Variants in RALGPS1 observed in about 807,000 individuals in gnomAD.
RALGPS1 encodes Ral GEF with PH domain and SH3 binding motif 1, also known as ras-specific guanine nucleotide-releasing factor RalGPS1.
RALGPS1 carries 19 observed loss-of-function variants against 78.8 expected under a neutral mutation model. The observed-to-expected ratio is 0.24, with a 90% CI of 0.17 to 0.35. The LOEUF is 0.35. Ranked by LOEUF, RALGPS1 falls within the 10% of genes least tolerant of loss-of-function variation. The pLI is 1.00. For missense variants in RALGPS1, 454 were observed against 688.3 expected, an observed-to-expected ratio of 0.66 and a Z score of 3.81; for synonymous variants, 228 against 256.3, an observed-to-expected ratio of 0.89 and a Z score of 1.06.
At chr9:127,092,495 G>C (rs1490393450) in intron 8 of RALGPS1, among the ~76,000 whole-genome samples, 1 of 152,036 alleles carries the variant, frequency 6.6e-6, no homozygotes, top group Non-Finnish European at 1.5e-5. Flanking sequence ...GCTGAGTTAC[G>C]GCCACTAAAG....
At chr9:126,955,532 A>G (rs533519023) in intron 1 of RALGPS1, among the ~76,000 whole-genome samples, 1 of 152,322 alleles carries the variant, frequency 6.6e-6, no homozygotes, top group South Asian at 2.1e-4. Flanking sequence ...ACTCCCCAAT[A>G]GTTCTTGTTA....
intron 4 of RALGPS1, among the ~76,000 whole-genome samples, chr9:126,987,148 T>C (rs1016284568): frequency 3.3e-5 from 5 of 152,126 alleles, no homozygotes; most frequent in Admixed American, 1.3e-4. Context: ...GCATGGTACC[T>C]GGGATCCTTC....
intron 4 of RALGPS1, among the ~76,000 whole-genome samples, chr9:127,015,558 A>C (rs949256720): frequency 8.6e-5 from 13 of 151,954 alleles, no homozygotes; most frequent in Non-Finnish European, 1.6e-4. Flanking sequence ...TGGTTATCTC[A>C]GTGTGTTCCC....
Position 127,091,068 on chromosome 9 carries a change from T to A in RALGPS1, c.610+21712T>A, listed in dbSNP as rs879933291. ...CTCTCAGCACTGCACTAGCATTACA[T>A]GCAGTAACAGTGACCATGAAGAAAG... On this transcript the variant is annotated intron_variant, in intron 8 of 18. Transcript: ENST00000259351. This position sits in a 1 kb window ranked among gnomAD's most constrained non-coding sequence, Gnocchi z 4.3. Among the ~76,000 whole-genome samples, 2 of 152,266 alleles carry A rather than the reference T, an allele frequency of 1.3e-5. No homozygotes were observed. The highest frequency in any genetic ancestry group is 2.9e-5 in the Non-Finnish European group (2 of 68,052).
intron 1 of RALGPS1, among the ~76,000 whole-genome samples, chr9:126,916,716 G>A (rs554542667): frequency 6.6e-6 from 1 of 152,278 alleles, no homozygotes; most frequent in East Asian, 1.9e-4. Flanking sequence ...GGGAGGCGGA[G>A]GTTGCAGTGA....
intron 3 of RALGPS1, among the ~76,000 whole-genome samples, chr9:126,974,166 G>T (rs1472823555): frequency 6.6e-6 from 1 of 152,180 alleles, no homozygotes; most frequent in Non-Finnish European, 1.5e-5. Context: ...GAACCACTGT[G>T]CCCAGCCTAG....
intron 4 of RALGPS1, among the ~76,000 whole-genome samples, chr9:126,995,254 A>G (rs2042630561): frequency 6.6e-6 from 1 of 152,186 alleles, no homozygotes; most frequent in African/African-American, 2.4e-5. Flanking sequence ...TAAAGAGTCA[A>G]GACCCATCAG....
chr9:127,198,196 C>T (rs1261599803), intron 13 of RALGPS1, among the ~76,000 whole-genome samples: 2 of 152,162 alleles, frequency 1.3e-5, no homozygotes, highest in Non-Finnish European at 2.9e-5. Flanking sequence ...TGTGCATGTG[C>T]CCTGTTGGGA....
chr9:126,963,039 T>C (rs1046144577), intron 2 of RALGPS1, among the ~76,000 whole-genome samples: 4 of 152,246 alleles, frequency 2.6e-5, no homozygotes, highest in African/African-American at 9.6e-5. Context: ...CTTATAAACC[T>C]TTCAAGAAAA....
At chr9:127,010,215 C>G (rs1041058057) in intron 4 of RALGPS1, among the ~76,000 whole-genome samples, 2 of 152,058 alleles carry the variant, frequency 1.3e-5, no homozygotes, top group Admixed American at 6.5e-5. Context: ...AGCCTGGACA[C>G]CTGGCCAGGC....
intron 1 of RALGPS1, among the ~76,000 whole-genome samples, chr9:126,958,142 A>AAAAAAAAATATATATATATATATAT: frequency 1.3e-5 from 1 of 77,102 alleles, no homozygotes; most frequent in East Asian, 4.0e-4. Flanking sequence ...AAAAAAAAAA[A>AAAAAAAAATATATATATATATATAT]ATATATATAT....
chr9:126,948,345 GTC>G (rs1170174152), intron 1 of RALGPS1, among the ~76,000 whole-genome samples: 1 of 152,020 alleles, frequency 6.6e-6, no homozygotes, highest in Non-Finnish European at 1.5e-5. Context: ...GTGAAACTCT[GTC>G]TCTACTAAAA....
At chr9:126,962,380 G>A (rs1299214311) in intron 2 of RALGPS1, 34 bp downstream of exon 2, 7 of 1,611,308 alleles carry the variant, frequency 4.3e-6, no homozygotes, top group Non-Finnish European at 5.9e-6. Context: ...ACAGTGGGTA[G>A]AGGGGTCTCC....
intron 8 of RALGPS1, chr9:127,089,019 A>C (rs1589401851): frequency 6.2e-7 from 1 of 1,614,224 alleles, no homozygotes; most frequent in Non-Finnish European, 8.5e-7. Context: ...AACTCAGCCC[A>C]GTAGACTCCG....
chr9:127,183,967 AC>A lies in RALGPS1; in HGVS notation c.910+9186del. The A allele has an allele frequency of 6.5e-7, 1 of 1,550,330 alleles. No individual in the cohort carries two copies. The highest frequency in any genetic ancestry group is 8.7e-7 in the Non-Finnish European group (1 of 1,146,946). Reference sequence around the variant, plus strand: ...CTGCCTGGATGTGGCCCAGCTCCTCACGAGTACCAGCGGCTCCCCCAGCATC... The same window carrying A: ...CTGCCTGGATGTGGCCCAGCTCCTCAGAGTACCAGCGGCTCCCCCAGCATC... On this transcript the variant is annotated intron_variant, in intron 11 of 18. Transcript: ENST00000259351. This position sits in a 1 kb window ranked among gnomAD's most constrained non-coding sequence, Gnocchi z 4.0.
At chr9:126,999,834 A>T (rs1223450358) in intron 4 of RALGPS1, among the ~76,000 whole-genome samples, 5 of 152,246 alleles carry the variant, frequency 3.3e-5, no homozygotes, top group Non-Finnish European at 7.3e-5. Flanking sequence ...CATTTGGGTA[A>T]ATACCAATGA....
intron 1 of RALGPS1, among the ~76,000 whole-genome samples, chr9:126,927,973 C>G (rs548464): frequency 6.6e-6 from 1 of 152,012 alleles, no homozygotes; most frequent in Non-Finnish European, 1.5e-5. Flanking sequence ...AAGCCTGTTA[C>G]AGAATTTCTG....
intron 6 of RALGPS1, 151 bp from the exon 7 acceptor site, chr9:127,052,696 G>A (rs2048395778): frequency 1.6e-6 from 1 of 619,082 alleles, no homozygotes; most frequent in Non-Finnish European, 2.8e-6. Flanking sequence ...AAAGCATATG[G>A]TTTCTATGAA....
intron 4 of RALGPS1, among the ~76,000 whole-genome samples, chr9:127,007,891 G>T (rs890835929): frequency 2.0e-5 from 3 of 152,160 alleles, no homozygotes; most frequent in African/African-American, 7.2e-5. Flanking sequence ...TACAAGGATT[G>T]CTCTGGCTGC....
Sources: gnomAD v4.1 joint callset for allele counts (sites outside exome capture counted in the v4.1 genomes callset) on GRCh38, gnomAD v4.1.1 for gene constraint, Gnocchi (gnomAD v3.1) non-coding constraint, MANE v1.5 for transcripts, NCBI Gene and HGNC (gene_info 2026-07-23, HGNC 2026-07-21) for gene names.